The following KLF3 variants were observed in gnomAD, a reference collection of about 807,000 sequenced individuals.
KLF3 encodes the protein Krueppel-like factor 3.
Under a neutral mutation model 32.7 loss-of-function variants are expected in KLF3, and 6 were observed. The ratio of observed to expected loss-of-function variants is 0.18; its 90% confidence interval spans 0.10 to 0.36. The LOEUF (loss-of-function observed/expected upper bound fraction) is 0.36. Ranked by LOEUF, KLF3 falls within the 10% of genes least tolerant of loss-of-function variation. The pLI is 1.00. For synonymous variants in KLF3, 145 were observed against 172.8 expected, an observed-to-expected ratio of 0.84 and a Z score of 1.26; for missense variants, 338 against 449.7, an observed-to-expected ratio of 0.75 and a Z score of 2.25.
rs770622269 is a variant in KLF3 at position 38,688,625 on chromosome 4, A to G, written c.98A>G (p.Lys33Arg). The G allele has an allele frequency of 1.2e-6, 2 of 1,613,384 alleles. No homozygotes were observed. Among genetic ancestry groups the G allele is most frequent in the Admixed American group, 1.7e-5 (1 of 60,000 alleles). The change falls in exon 3 of 6, where the codon AAG becomes AGG. Residue 33 changes from lysine (K) to arginine (R), a missense_variant. Lys to Arg is a conservative substitution (Grantham distance 26, BLOSUM62 2). Transcript: ENST00000261438. This position sits in a 1 kb window ranked among gnomAD's most constrained non-coding sequence, Gnocchi z 4.9. The stretch of plus-strand genomic sequence containing the variant: ...TACATGGAATCCATGAAGCCTAACA[A>G]GTATGGGGTCATCTACTCCACACCA... The part of the protein sequence containing the change: ...SNYMESMKPN[K>R]YGVIYSTPLP...
chr4:38,688,890 G>C lies in KLF3; in HGVS notation c.363G>C (p.Leu121=), dbSNP rs376365975. The part of the protein sequence containing the change: ...SPGVQPFGVP[L]SMPPVMAAAL... ...GCGTGCAGCCCTTCGGCGTGCCGCT[G>C]TCCATGCCACCAGTGATGGCAGCTG... The change falls in exon 3 of 6, where the codon CTG becomes CTC. Residue 121 remains leucine (L), a synonymous_variant. Coordinates refer to ENST00000261438, the MANE Select transcript of KLF3 (RefSeq NM_016531.6). The surrounding 1 kb of genome is among the most constrained non-coding windows in gnomAD (Gnocchi z 4.9). 1.9e-6 allele frequency: 3 copies of C among 1,614,228 alleles called. No homozygotes were observed. Among genetic ancestry groups the C allele is most frequent in the African/African-American group, 1.3e-5 (1 of 75,056 alleles).
chr4:38,668,915 A>G (rs1333436586), intron 1 of KLF3, among the ~76,000 whole-genome samples: 1 of 152,234 alleles, frequency 6.6e-6, no homozygotes, highest in African/African-American at 2.4e-5. Flanking sequence ...AGTTGCTATG[A>G]TTACCAGAAA....
rs1723183075 is a variant in KLF3 at position 38,701,195 on chromosome 4, G to A, written c.*3932G>A. Among the ~76,000 whole-genome samples the A allele has an allele frequency of 1.3e-5, 2 of 152,122 alleles. No individual in the cohort carries two copies. The highest frequency in any genetic ancestry group is 2.1e-4 in the South Asian group (1 of 4,830). ...AGATCTAACTGGAAGATGAACTACC[G>A]GAATTAACTCAGCCCTCAAGCTATG... is the stretch of plus-strand genomic sequence containing the variant. On this transcript the variant is annotated 3_prime_UTR_variant, in exon 6 of 6. Coordinates refer to ENST00000261438, the MANE Select transcript of KLF3 (RefSeq NM_016531.6).
chr4:38,696,609 T>C (rs1723051780), intron 5 of KLF3, among the ~76,000 whole-genome samples: 1 of 152,234 alleles, frequency 6.6e-6, no homozygotes, highest in Admixed American at 6.5e-5. Flanking sequence ...GAAAATAAGA[T>C]GTTAATCCCT....
chr4:38,677,815 G>A (rs1363041365), intron 1 of KLF3, among the ~76,000 whole-genome samples: 1 of 151,996 alleles, frequency 6.6e-6, no homozygotes, highest in South Asian at 2.1e-4. Flanking sequence ...CACATTTAGT[G>A]TTGTGTGTAC....
chr4:38,677,878 A>AGTGT (rs56675939), intron 1 of KLF3, among the ~76,000 whole-genome samples: 8,123 of 146,232 alleles, frequency 0.056, 276 homozygotes, highest in East Asian at 0.066. Context: ...GGGCAAAAGG[A>AGTGT]GTGTGTGTGT....
intron 4 of KLF3, chr4:38,690,521 A>G (rs7665669): frequency 6.6e-6 from 1 of 152,252 alleles, no homozygotes; most frequent in African/African-American, 2.4e-5. Flanking sequence ...TCCAACAAGG[A>G]TCCCACCTCT....
chr4:38,697,386 C>G lies in KLF3; in HGVS notation c.*123C>G. 1 of 930,152 alleles carries G rather than the reference C, an allele frequency of 1.1e-6. No individual in the cohort carries two copies. Among genetic ancestry groups the G allele is most frequent in the Non-Finnish European group, 1.6e-6 (1 of 630,066 alleles). 57.6% of individuals were successfully genotyped at this position (930,152 alleles called of 1,614,324 possible). ...AATTTGATTCAGCTGGTCTGAATCT[C>G]TGAATTTATATCATCCAAAACTTCC... On this transcript the variant is annotated 3_prime_UTR_variant, in exon 6 of 6. Coordinates refer to ENST00000261438, the MANE Select transcript of KLF3 (RefSeq NM_016531.6).
At chr4:38,695,042 A>G (rs904337109) in intron 5 of KLF3, 136 bp downstream of exon 5, 4 of 748,418 alleles carry the variant, frequency 5.3e-6, no homozygotes, top group Non-Finnish European at 8.4e-6. Context: ...TCTCCAGATT[A>G]GTTGTGCAGA....
chr4:38,696,952 T>C, intron 5 of KLF3, 130 bp from the exon 6 acceptor site: 8 of 718,442 alleles, frequency 1.1e-5, no homozygotes, highest in Non-Finnish European at 1.3e-5. Context: ...CAGTAGTTTA[T>C]AATGCACTGT....
chr4:38,684,733 T>A (rs2109248651), intron 2 of KLF3, among the ~76,000 whole-genome samples: 1 of 152,208 alleles, frequency 6.6e-6, no homozygotes, highest in African/African-American at 2.4e-5. Flanking sequence ...TTTTGTTTTT[T>A]TCTGTAGAGA....
intron 1 of KLF3, among the ~76,000 whole-genome samples, chr4:38,675,206 A>C (rs1258283229): frequency 6.6e-6 from 1 of 152,224 alleles, no homozygotes; most frequent in Non-Finnish European, 1.5e-5. Flanking sequence ...ATGAAGGGAA[A>C]TCTGTTTCTC....
At chr4:38,664,782 G>T (rs1271812215) in intron 1 of KLF3, 1 of 152,120 alleles carries the variant, frequency 6.6e-6, no homozygotes, top group Admixed American at 6.5e-5. Context: ...CAGGGCGCGG[G>T]CGGGGGCTCA....
rs1164722414 is a variant in KLF3 at position 38,671,489 on chromosome 4, A to T, written c.-40+7028A>T. 6.6e-6 allele frequency among the ~76,000 whole-genome samples: 1 copy of T among 152,182 alleles called. No individual in the cohort carries two copies. Among genetic ancestry groups the T allele is most frequent in the Non-Finnish European group, 1.5e-5 (1 of 68,030 alleles). Reference sequence around the variant, plus strand: ...TTGGAAGGAGTGGAAACTGTCACTAATGTAAACAGACTGTCCCCACGTTCT... The same window carrying T: ...TTGGAAGGAGTGGAAACTGTCACTATTGTAAACAGACTGTCCCCACGTTCT... On this transcript the variant is annotated intron_variant, in intron 1 of 5. Coordinates refer to ENST00000261438, the MANE Select transcript of KLF3 (RefSeq NM_016531.6). This position sits in a 1 kb window ranked among gnomAD's most constrained non-coding sequence, Gnocchi z 4.4.
At chr4:38,680,770 G>C (rs59800324) in intron 2 of KLF3, 88 bp downstream of exon 2, 27,089 of 1,123,862 alleles carry the variant, frequency 0.024, 526 homozygotes, top group Middle Eastern at 0.076. Context: ...TGAAATCATG[G>C]CCGGGCGTGG....
At chr4:38,684,541 G>GTT (rs139709836) in intron 2 of KLF3, among the ~76,000 whole-genome samples, 2 of 109,164 alleles carry the variant, frequency 1.8e-5, no homozygotes, top group Non-Finnish European at 3.7e-5. Flanking sequence ...GGTTTTTTGT[G>GTT]TTTTTTTTTT....
chr4:38,684,262 A>C (rs1319768253), intron 2 of KLF3, among the ~76,000 whole-genome samples: 1 of 152,192 alleles, frequency 6.6e-6, no homozygotes, highest in Non-Finnish European at 1.5e-5. Context: ...TGCAATTAAA[A>C]TCATTTTTTC....
chr4:38,680,037 T>C (rs1722471998), intron 1 of KLF3, among the ~76,000 whole-genome samples: 1 of 152,092 alleles, frequency 6.6e-6, no homozygotes. Context: ...AGGGTTTCTG[T>C]ATTGAGTTAG....
intron 2 of KLF3, chr4:38,680,991 A>G (rs7686818): frequency 0.83 from 177,990 of 215,730 alleles, 74,797 homozygotes; most frequent in African/African-American, 0.96. Flanking sequence ...TGTAGGTTAC[A>G]GTGAGCCGAG....
Sources: allele counts gnomAD v4.1 joint callset (sites outside exome capture counted in the v4.1 genomes callset), GRCh38; gene constraint gnomAD v4.1.1; non-coding constraint Gnocchi (gnomAD v3.1); transcripts MANE v1.5; gene names NCBI Gene and HGNC (gene_info 2026-07-23, HGNC 2026-07-21).